CREBL2: variants seen among roughly 807,000 people sequenced by gnomAD.
The protein encoded by CREBL2 is cAMP-responsive element-binding protein-like 2.
In CREBL2, 4 loss-of-function variants were observed where a neutral mutation model predicts 19.5. The ratio of observed to expected loss-of-function variants is 0.20; its 90% CI spans 0.10 to 0.47. The LOEUF (loss-of-function observed/expected upper bound fraction) is 0.47. Ranked by LOEUF, CREBL2 falls within the 20% of genes least tolerant of loss-of-function variation. CREBL2 has a pLI of 0.98. For synonymous variants in CREBL2, 42 were observed against 46.6 expected (o/e 0.90, Z 0.40); for missense variants, 85 against 145.1 (o/e 0.59, Z 2.13).
chr12:12,639,775 G>C (rs1945503671), intron 3 of CREBL2, among the ~76,000 whole-genome samples: 1 of 152,176 alleles, frequency 6.6e-6, no homozygotes, highest in African/African-American at 2.4e-5. Flanking sequence ...TTTTACAGCT[G>C]GGCCGCCAGG....
rs147993668 is a variant in CREBL2, at chr12:12,633,742, C to T, written c.16-2035C>T. Among the ~76,000 whole-genome samples, 158 of 152,280 alleles carry T rather than the reference C, an allele frequency of 1.0e-3. 3 individuals are homozygous for T. The East Asian group carries it at 0.025, about 24-fold the overall frequency. ...TAACTATTAGACTTAGTAATGATCT[C>T]ATCTTTTTAGGGTACTTAGCATTGT... On this transcript the variant is annotated intron_variant, in intron 1 of 3. Transcript: ENST00000228865.
chr12:12,618,497 A>G, intron 1 of CREBL2, among the ~76,000 whole-genome samples: 1 of 150,756 alleles, frequency 6.6e-6, no homozygotes. Context: ...GACGCTCCTC[A>G]CTTCCTAGAC....
intron 3 of CREBL2, among the ~76,000 whole-genome samples, chr12:12,638,265 AC>A (rs1945490906): frequency 1.3e-5 from 2 of 152,026 alleles, no homozygotes; most frequent in Admixed American, 6.6e-5. Context: ...ACATGGTGAA[AC>A]CCCATTTCTA....
At chr12:12,615,685 G>T (rs375365902) in intron 1 of CREBL2, 1 of 151,766 alleles carries the variant, frequency 6.6e-6, no homozygotes. Context: ...GTAGAGCTGG[G>T]GCTTCACTAG....
intron 1 of CREBL2, among the ~76,000 whole-genome samples, chr12:12,620,919 G>T (rs1040613719): frequency 6.6e-6 from 1 of 152,170 alleles, no homozygotes; most frequent in East Asian, 1.9e-4. Context: ...AAGTTCTTTT[G>T]GGGCAGTAAG....
rs573881825 is a variant in CREBL2 at position 12,632,238 on chromosome 12, C to T, written c.16-3539C>T. On this transcript the variant is annotated intron_variant, in intron 1 of 3. Transcript: ENST00000228865. Reference sequence around the variant, plus strand: ...GACTACAGGCGCCCGCCACTACGCCCGGCTAATTTTTTGTATTTTTAGTAG... The same window carrying T: ...GACTACAGGCGCCCGCCACTACGCCTGGCTAATTTTTTGTATTTTTAGTAG... Among the ~76,000 whole-genome samples the T allele has an allele frequency of 3.1e-4, 47 of 150,998 alleles. No homozygotes were observed. The South Asian group carries it at 4.6e-3, about 15-fold the overall frequency.
At chr12:12,630,641 A>G (rs1396757148) in intron 1 of CREBL2, among the ~76,000 whole-genome samples, 2 of 151,914 alleles carry the variant, frequency 1.3e-5, no homozygotes, top group Non-Finnish European at 2.9e-5. Context: ...TGTCTGCTTT[A>G]TGTTTAATTT....
At chr12:12,626,547 T>A (rs2136302811) in intron 1 of CREBL2, among the ~76,000 whole-genome samples, 1 of 152,294 alleles carries the variant, frequency 6.6e-6, no homozygotes, top group East Asian at 1.9e-4. Context: ...CATGTCTTTT[T>A]AAAAAATAAT....
chr12:12,636,801 G>A (rs898448190), intron 2 of CREBL2, among the ~76,000 whole-genome samples: 5 of 152,212 alleles, frequency 3.3e-5, no homozygotes, highest in Non-Finnish European at 7.3e-5. Context: ...GTGAAAGAGA[G>A]TAGATAAAAC....
At chr12:12,622,431 A>G (rs767107226) in intron 1 of CREBL2, among the ~76,000 whole-genome samples, 10 of 152,218 alleles carry the variant, frequency 6.6e-5, no homozygotes, top group Non-Finnish European at 1.3e-4. Context: ...AATAAACTGA[A>G]AAGAGAGGTC....
Position 12,619,476 on chromosome 12 carries a change from A to C in CREBL2, c.15+7289A>C, listed in dbSNP as rs117146517. On this transcript the variant is annotated intron_variant, in intron 1 of 3. Coordinates refer to ENST00000228865, the MANE Select transcript of CREBL2 (RefSeq NM_001310.4). ...TAAAAAATTATCCAGGTGTGGTGGTATGCAGCTATAATCCCAGCTACTCAG... is the reference window on the plus strand; with the variant it reads ...TAAAAAATTATCCAGGTGTGGTGGTCTGCAGCTATAATCCCAGCTACTCAG... 9.8e-4 allele frequency among the ~76,000 whole-genome samples: 149 copies of C among 152,206 alleles called. 4 individuals are homozygous for C. In the East Asian group the frequency reaches 0.023, roughly 23 times the overall value.
intron 1 of CREBL2, among the ~76,000 whole-genome samples, 189 bp downstream of exon 1, chr12:12,612,376 C>T (rs886425509): frequency 1.3e-5 from 2 of 152,186 alleles, no homozygotes; most frequent in African/African-American, 4.8e-5. Context: ...TGCGTTTTTC[C>T]AGGAAGGGCC....
chr12:12,635,245 T>A (rs1345415125), intron 1 of CREBL2, among the ~76,000 whole-genome samples: 3 of 151,926 alleles, frequency 2.0e-5, no homozygotes, highest in African/African-American at 7.3e-5. Flanking sequence ...GGCTCATGCC[T>A]ATAGTTACAG....
At chr12:12,622,981 G>A (rs1197451815) in intron 1 of CREBL2, among the ~76,000 whole-genome samples, 1 of 151,976 alleles carries the variant, frequency 6.6e-6, no homozygotes, top group African/African-American at 2.4e-5. Context: ...ACTTTTATTA[G>A]TTGCCTTAAT....
At chr12:12,633,795 C>A (rs1317142426) in intron 1 of CREBL2, among the ~76,000 whole-genome samples, 1 of 152,160 alleles carries the variant, frequency 6.6e-6, no homozygotes, top group Admixed American at 6.5e-5. Flanking sequence ...TGATTTCAAA[C>A]AAATCAGAGT....
At chr12:12,633,555 G>A (rs1017579854) in intron 1 of CREBL2, among the ~76,000 whole-genome samples, 3 of 152,174 alleles carry the variant, frequency 2.0e-5, no homozygotes, top group African/African-American at 7.2e-5. Context: ...GCTTTAAGAC[G>A]GTGATGGAAA....
intron 1 of CREBL2, among the ~76,000 whole-genome samples, chr12:12,618,830 A>ACCAGCCCGG (rs747813792): frequency 2.0e-5 from 3 of 152,194 alleles, no homozygotes; most frequent in African/African-American, 2.4e-5. Context: ...GGAGCTGGAG[A>ACCAGCCCGG]CCAGCCCGGC....
intron 1 of CREBL2, among the ~76,000 whole-genome samples, chr12:12,622,144 T>A (rs1010689812): frequency 2.6e-5 from 4 of 152,210 alleles, no homozygotes; most frequent in Non-Finnish European, 5.9e-5. Context: ...ATTGTGAGAA[T>A]TAAATGTAAT....
chr12:12,626,648 A>G (rs1322602079), intron 1 of CREBL2, among the ~76,000 whole-genome samples: 5 of 152,212 alleles, frequency 3.3e-5, no homozygotes, highest in East Asian at 1.9e-4. Flanking sequence ...GAATTGTGCA[A>G]TGATCATCAC....
Sources: allele counts gnomAD v4.1 joint callset (sites outside exome capture counted in the v4.1 genomes callset), GRCh38; gene constraint gnomAD v4.1.1; transcripts MANE v1.5; gene names NCBI Gene and HGNC (gene_info 2026-07-23, HGNC 2026-07-21).